Variants in TRIM66 observed in about 807,000 individuals in gnomAD.
The protein encoded by TRIM66 is tripartite motif containing 66.
TRIM66 carries 99 observed loss-of-function variants against 148.2 expected under a neutral mutation model. The ratio of observed to expected loss-of-function variants is 0.67; its 90% CI spans 0.57 to 0.79. The LOEUF is 0.79. TRIM66 is among the 30% of genes least tolerant of loss of function. The pLI, the probability that TRIM66 is intolerant of heterozygous loss-of-function variation, is 0.00. For synonymous variants in TRIM66, 616 were observed against 635.9 expected, an observed-to-expected ratio of 0.97 and a Z score of 0.47; for missense variants, 1,666 against 1,697.9, an observed-to-expected ratio of 0.98 and a Z score of 0.33.
In TRIM66 at chr11:8,624,779, G is replaced by C. The variant is rs766341470; in HGVS notation, c.2760C>G (p.Gly920=). 3.4e-5 allele frequency: 52 copies of C among 1,550,508 alleles called. No individual in the cohort carries two copies. Among genetic ancestry groups the C allele is most frequent in the Non-Finnish European group, 4.5e-5 (52 of 1,146,312 alleles). Residue 920 remains glycine (G), a synonymous_variant, in exon 16 of 25, where the codon GGC becomes GGG. Transcript: ENST00000646038. ...QPETGSSSSS[G]RTSGSLCPRD... ...TGGGACACAGGCTCCCTGAAGTTCG[G>C]CCAGAACTGGAGCTGGACCCAGTTT...
At position 8,625,244 on chromosome 11, in the gene TRIM66, C is replaced by T. The variant is rs1272436510; in HGVS notation, c.2311-16G>A. 2.2e-5 allele frequency: 32 copies of T among 1,483,780 alleles called. No homozygotes were observed. The highest frequency in any genetic ancestry group is 2.9e-5 in the Non-Finnish European group (32 of 1,111,214). The allele number at this position is 1,483,780 out of a possible 1,614,324, so 91.9% of individuals were successfully genotyped here. On this transcript the variant is annotated splice_polypyrimidine_tract_variant and intron_variant, in intron 15 of 24. Coordinates refer to ENST00000646038, the MANE Select transcript of TRIM66 (RefSeq NM_001388022.1). ...AGGTGGAGTGCTGCAGGAACAGAGA[C>T]AAGGGGTAGAGTCAGGCTGCTAGCT...
rs2033797893 is a variant in TRIM66, at chr11:8,617,545, G to A, written c.*399C>T. ...TCTCTCCCTTCTTTTACCCACTTCT[G>A]AGCCCAGGAGGAGTTCAGATGTATA... On this transcript the variant is annotated 3_prime_UTR_variant, in exon 25 of 25. Coordinates refer to ENST00000646038, the MANE Select transcript of TRIM66 (RefSeq NM_001388022.1). 1 of 185,506 alleles carries A rather than the reference G, an allele frequency of 5.4e-6. No homozygotes were observed. The highest frequency in any genetic ancestry group is 1.1e-5 in the Non-Finnish European group (1 of 88,836). 11.5% of individuals were successfully genotyped at this position (185,506 alleles called of 1,614,324 possible). A position where few individuals can be genotyped will look rare whatever the true frequency, so the allele number is the denominator to read the frequency against.
intron 12 of TRIM66, among the ~76,000 whole-genome samples, chr11:8,643,576 T>C (rs1356688135): frequency 6.6e-6 from 1 of 152,080 alleles, no homozygotes; most frequent in Non-Finnish European, 1.5e-5. Flanking sequence ...TCTCCTGACC[T>C]CGTGATCTGC....
chr11:8,644,519 C>T, intron 12 of TRIM66: 1 of 416,882 alleles, frequency 2.4e-6, no homozygotes, highest in Admixed American at 2.8e-5. Flanking sequence ...CAGCATTGTC[C>T]CCTTCCTGTC....
intron 6 of TRIM66, chr11:8,658,827 G>T: frequency 1.0e-6 from 1 of 984,960 alleles, no homozygotes; most frequent in Non-Finnish European, 1.2e-6. Context: ...AACAGACATT[G>T]AAATCTGTCT....
chr11:8,642,320 G>T (rs781602559), intron 13 of TRIM66, among the ~76,000 whole-genome samples: 2 of 152,186 alleles, frequency 1.3e-5, no homozygotes, highest in Non-Finnish European at 2.9e-5. Flanking sequence ...GGGAAGAAAA[G>T]AAATAAACCT....
intron 24 of TRIM66, 34 bp from the exon 25 acceptor site, chr11:8,618,037 G>T: frequency 6.5e-7 from 1 of 1,529,466 alleles, no homozygotes; most frequent in African/African-American, 1.4e-5. Context: ...AATTAAAATA[G>T]CCAAATGTAG....
At chr11:8,658,027 C>T (rs1175716963) in intron 6 of TRIM66, among the ~76,000 whole-genome samples, 1 of 152,272 alleles carries the variant, frequency 6.6e-6, no homozygotes, top group African/African-American at 2.4e-5. Flanking sequence ...CTGCATGCTG[C>T]AGCCAGGCGG....
chr11:8,625,213 T>G lies in TRIM66; in HGVS notation c.2326A>C (p.Ser776Arg). ...NVVRKHSTSLSIMGFSNTLEM... is the reference protein window; with the variant it reads ...NVVRKHSTSLRIMGFSNTLEM... ...AGAGTGTTGGAAAAGCCCATGATGC[T>G]CAGCGAGGTGGAGTGCTGCAGGAAC... Residue 776 changes from serine to arginine, a missense_variant, in exon 16 of 25, where the codon AGC becomes CGC. By Grantham distance (110) the Ser-to-Arg change is moderately radical. Around this residue, in one of 3 missense-constraint regions of TRIM66, gnomAD observed 1,431 missense variants for 1,412.4 expected, o/e 1.01. Coordinates refer to ENST00000646038, the MANE Select transcript of TRIM66 (RefSeq NM_001388022.1). 6.6e-7 allele frequency: 1 copy of G among 1,506,744 alleles called. No homozygotes were observed. The highest frequency in any genetic ancestry group is 8.9e-7 in the Non-Finnish European group (1 of 1,121,868). The allele number at this position is 1,506,744 out of a possible 1,614,324, so 93.3% of individuals were successfully genotyped here.
At chr11:8,619,998 G>A (rs1053755604) in intron 22 of TRIM66, 52 bp downstream of exon 22, 66 of 1,482,184 alleles carry the variant, frequency 4.5e-5, no homozygotes, top group Non-Finnish European at 6.0e-5. Context: ...AGCAGTATAG[G>A]CACAAATCCA....
At position 8,628,713 on chromosome 11, in the gene TRIM66, T is replaced by G. The variant is rs116201274; in HGVS notation, c.2311-3485A>C. ...GTCTCCCTCCATACCTCTCTGGGCT[T>G]ACTCCCCTTCACTATCTCTCATATT... On this transcript the variant is annotated intron_variant, in intron 15 of 24. Transcript: ENST00000646038. Among the ~76,000 whole-genome samples the G allele has an allele frequency of 8.8e-3, 1,324 of 151,268 alleles. 27 individuals are homozygous for G. The highest frequency in any genetic ancestry group is 0.031 in the African/African-American group (1,273 of 41,330).
At chr11:8,645,617 GTTAT>G in intron 12 of TRIM66, 120 bp downstream of exon 12, 1 of 1,146,954 alleles carries the variant, frequency 8.7e-7, no homozygotes, top group Non-Finnish European at 1.2e-6. Flanking sequence ...GAGCTGCTAT[GTTAT>G]TCCTCCTTCC....
chr11:8,618,989 T>G (rs1201568744), intron 23 of TRIM66, 21 bp from the exon 24 acceptor site: 2 of 1,546,216 alleles, frequency 1.3e-6, no homozygotes, highest in African/African-American at 2.7e-5. Context: ...AGGAGAGCAG[T>G]GATGGTCTAG....
At position 8,613,888 on chromosome 11, in the gene TRIM66, A is replaced by C. The variant is rs2033557117; in HGVS notation, c.*4056T>G. 3 of 152,318 alleles carry C rather than the reference A, an allele frequency of 2.0e-5. No individual in the cohort carries two copies. Among genetic ancestry groups the C allele is most frequent in the East Asian group, 3.9e-4 (2 of 5,176 alleles). 9.4% of individuals were successfully genotyped at this position (152,318 alleles called of 1,614,324 possible). A position where few individuals can be genotyped will look rare whatever the true frequency, so the allele number is the denominator to read the frequency against. Reference sequence around the variant, plus strand: ...AAGATGGAGGCATGGGTGGGGAAAAAAAAAGGGATCACAACAAGTTAAAGA... The same window carrying C: ...AAGATGGAGGCATGGGTGGGGAAAACAAAAGGGATCACAACAAGTTAAAGA... On this transcript the variant is annotated 3_prime_UTR_variant, in exon 25 of 25. Coordinates refer to ENST00000646038, the MANE Select transcript of TRIM66 (RefSeq NM_001388022.1).
rs1434198532 is a variant in TRIM66, at chr11:8,659,623, T to C, written c.341-7720A>G. On this transcript the variant is annotated intron_variant, in intron 6 of 24. Coordinates refer to ENST00000646038, the MANE Select transcript of TRIM66 (RefSeq NM_001388022.1). ...TGCCTGGACCAGTGATGCCCCAATCTGGAGAGCTTGTTAGAAATCCTGAAT... is the reference window on the plus strand; with the variant it reads ...TGCCTGGACCAGTGATGCCCCAATCCGGAGAGCTTGTTAGAAATCCTGAAT... Among the ~76,000 whole-genome samples, 3 of 152,182 alleles carry C rather than the reference T, an allele frequency of 2.0e-5. No individual in the cohort carries two copies. The East Asian group carries it at 5.8e-4, about 29-fold the overall frequency.
chr11:8,641,743 G>A (rs912885156), intron 13 of TRIM66, among the ~76,000 whole-genome samples: 1 of 152,132 alleles, frequency 6.6e-6, no homozygotes, highest in Non-Finnish European at 1.5e-5. Context: ...TGACTGGATC[G>A]TGGGGGCGGA....
chr11:8,635,531 C>T (rs1020521139), intron 15 of TRIM66, among the ~76,000 whole-genome samples: 1 of 152,168 alleles, frequency 6.6e-6, no homozygotes. Context: ...CAGTGGCTCT[C>T]ACTGTCAGGG....
Position 8,638,672 on chromosome 11 carries a change from A to T in TRIM66, c.2292T>A (p.Ser764=), listed in dbSNP as rs757168438. The change falls in exon 15 of 25, where the codon TCT becomes TCA. Residue 764 remains serine (S), a synonymous_variant. Transcript: ENST00000646038. ...TCAGTACCTTTCTCACCACATTTGGAGAGGAGTGCTGGATGGTGCTGTCCA... is the reference window on the plus strand; with the variant it reads ...TCAGTACCTTTCTCACCACATTTGGTGAGGAGTGCTGGATGGTGCTGTCCA... ...PPVDSTIQHS[S]PNVVRKHSTS... 24 of 1,548,240 alleles carry T rather than the reference A, an allele frequency of 1.6e-5. No homozygotes were observed. Among genetic ancestry groups the T allele is most frequent in the Middle Eastern group, 3.3e-4 (2 of 5,994 alleles).
At position 8,620,461 on chromosome 11, in the gene TRIM66, G is replaced by A. The variant is rs1054228111; in HGVS notation, c.3657C>T (p.Ser1219=). The change falls in exon 21 of 25, where the codon AGC becomes AGT. Residue 1219 remains serine (S), a synonymous_variant. Coordinates refer to ENST00000646038, the MANE Select transcript of TRIM66 (RefSeq NM_001388022.1). ...QPGMRASPGL[S]MYDQKKCEKL... is the part of the protein sequence containing the mutation. ...TCCTCCCTACCTTCTGGTCATACAT[G>A]CTTAGGCCAGGAGATGCCCGCATTC... is the stretch of plus-strand genomic sequence containing the variant. 2 of 1,551,644 alleles carry A rather than the reference G, an allele frequency of 1.3e-6. No individual in the cohort carries two copies. The highest frequency in any genetic ancestry group is 2.7e-5 in the African/African-American group (2 of 73,060).
Sources: allele counts gnomAD v4.1 joint callset (sites outside exome capture counted in the v4.1 genomes callset), GRCh38; gene constraint gnomAD v4.1.1; regional missense constraint gnomAD v4.1.1; transcripts MANE v1.5; gene names NCBI Gene and HGNC (gene_info 2026-07-23, HGNC 2026-07-21).